Variants in FAM171A1 observed in about 807,000 individuals in gnomAD.
FAM171A1 encodes the protein protein FAM171A1.
FAM171A1 carries 23 observed loss-of-function variants against 74.9 expected under a neutral mutation model. That is an observed-to-expected ratio of 0.31 (90% CI 0.22 to 0.44). The LOEUF is 0.44. Among genes scored for constraint, FAM171A1 ranks in the 20% least tolerant of loss-of-function variants. The pLI is 1.00. For synonymous variants in FAM171A1, 527 were observed against 505.7 expected, an observed-to-expected ratio of 1.04 and a Z score of -0.57; for missense variants, 1,162 against 1,159.2, an observed-to-expected ratio of 1.00 and a Z score of -0.03.
At chr10:15,335,760 T>C (rs906981923) in intron 1 of FAM171A1, among the ~76,000 whole-genome samples, 2 of 152,196 alleles carry the variant, frequency 1.3e-5, no homozygotes, top group Non-Finnish European at 1.5e-5. Flanking sequence ...AAACAGTGTG[T>C]ACAATCACAC....
intron 1 of FAM171A1, among the ~76,000 whole-genome samples, chr10:15,360,573 G>A (rs1835981744): frequency 6.6e-6 from 1 of 152,192 alleles, no homozygotes. Context: ...CAGGGACAAT[G>A]AGGTTTCTGT....
chr10:15,267,993 G>A (rs1834769523), intron 3 of FAM171A1, among the ~76,000 whole-genome samples: 1 of 152,228 alleles, frequency 6.6e-6, no homozygotes, highest in South Asian at 2.1e-4. Flanking sequence ...TGGCTGTGAA[G>A]GAGAAGACAA....
chr10:15,373,406 G>A (rs1836172043), upstream of FAM171A1, among the ~76,000 whole-genome samples: 1 of 152,202 alleles, frequency 6.6e-6, no homozygotes, highest in African/African-American at 2.4e-5. Context: ...AACAAACCGA[G>A]GCTTGGTGCC....
chr10:15,287,928 C>T (rs1835057717), intron 1 of FAM171A1, among the ~76,000 whole-genome samples: 1 of 152,138 alleles, frequency 6.6e-6, no homozygotes, highest in Admixed American at 6.5e-5. Context: ...CCACCCTTTT[C>T]CCTGAGTCCT....
At chr10:15,243,092 C>T (rs74635421) in intron 5 of FAM171A1, among the ~76,000 whole-genome samples, 11,134 of 152,234 alleles carry the variant, frequency 0.073, 460 homozygotes, top group Middle Eastern at 0.17. Context: ...TCCACAGGGC[C>T]GGTTTCTCCT....
chr10:15,216,409 G>A (rs969119596), intron 6 of FAM171A1, among the ~76,000 whole-genome samples: 1 of 152,104 alleles, frequency 6.6e-6, no homozygotes, highest in Non-Finnish European at 1.5e-5. Flanking sequence ...AGCATGTGCC[G>A]CATTTGAAAT....
chr10:15,286,938 T>C (rs551161099), intron 1 of FAM171A1, among the ~76,000 whole-genome samples: 2 of 152,164 alleles, frequency 1.3e-5, no homozygotes, highest in South Asian at 2.1e-4. Flanking sequence ...GAAACCAATC[T>C]TGGCTACTTC....
intron 5 of FAM171A1, among the ~76,000 whole-genome samples, chr10:15,226,417 C>A (rs1357073265): frequency 6.6e-6 from 1 of 152,126 alleles, no homozygotes; most frequent in Non-Finnish European, 1.5e-5. Context: ...AGCATTTGAA[C>A]CCCCTCTTTA....
At chr10:15,341,844 C>T (rs545831051) in intron 1 of FAM171A1, among the ~76,000 whole-genome samples, 2 of 152,292 alleles carry the variant, frequency 1.3e-5, no homozygotes, top group South Asian at 2.1e-4. Flanking sequence ...GAGGGAGACT[C>T]GCAGCTTGCA....
At chr10:15,356,780 G>A (rs1835937545) in intron 1 of FAM171A1, among the ~76,000 whole-genome samples, 1 of 152,066 alleles carries the variant, frequency 6.6e-6, no homozygotes, top group African/African-American at 2.4e-5. Flanking sequence ...AGACCAGCCT[G>A]GCAAACATGG....
At chr10:15,228,091 T>G (rs1834132385) in intron 5 of FAM171A1, among the ~76,000 whole-genome samples, 1 of 152,202 alleles carries the variant, frequency 6.6e-6, no homozygotes, top group African/African-American at 2.4e-5. Flanking sequence ...AAACAATGTC[T>G]AATTTGAATA....
intron 5 of FAM171A1, among the ~76,000 whole-genome samples, chr10:15,247,783 T>G (rs1285598397): frequency 6.6e-6 from 1 of 152,174 alleles, no homozygotes; most frequent in Non-Finnish European, 1.5e-5. Flanking sequence ...TACTATATCA[T>G]TTTTATTTAC....
At chr10:15,287,053 C>A (rs1835043750) in intron 1 of FAM171A1, among the ~76,000 whole-genome samples, 1 of 151,200 alleles carries the variant, frequency 6.6e-6, no homozygotes, top group African/African-American at 2.4e-5. Context: ...TCAATCCAAT[C>A]AGGATGTGCA....
At chr10:15,306,467 C>T (rs7913862) in intron 1 of FAM171A1, among the ~76,000 whole-genome samples, 11,179 of 151,872 alleles carry the variant, frequency 0.074, 725 homozygotes, top group African/African-American at 0.17. Flanking sequence ...TGGGTTCAAG[C>T]GATTCTCCTG....
At chr10:15,236,817 G>T (rs780870449) in intron 5 of FAM171A1, among the ~76,000 whole-genome samples, 1 of 152,172 alleles carries the variant, frequency 6.6e-6, no homozygotes, top group Non-Finnish European at 1.5e-5. Flanking sequence ...CAGACTGGGC[G>T]TGGTGGCTCA....
chr10:15,370,399 G>C (rs1429178947), intron 1 of FAM171A1, among the ~76,000 whole-genome samples: 1 of 151,574 alleles, frequency 6.6e-6, no homozygotes, highest in Non-Finnish European at 1.5e-5. Context: ...TTCCCAAACT[G>C]CGGCAGGCTA....
intron 1 of FAM171A1, among the ~76,000 whole-genome samples, chr10:15,285,380 G>A (rs912054529): frequency 6.6e-6 from 1 of 152,176 alleles, no homozygotes; most frequent in East Asian, 1.9e-4. Flanking sequence ...AAGTCACAAA[G>A]GTTTTAAGAG....
chr10:15,326,286 G>T (rs1015177401), intron 1 of FAM171A1, among the ~76,000 whole-genome samples: 1 of 152,020 alleles, frequency 6.6e-6, no homozygotes, highest in Non-Finnish European at 1.5e-5. Flanking sequence ...TGCCTTTGGT[G>T]AGAGGAAGAG....
intron 3 of FAM171A1, among the ~76,000 whole-genome samples, chr10:15,275,419 T>C (rs904476825): frequency 1.3e-5 from 2 of 151,710 alleles, no homozygotes; most frequent in Admixed American, 6.6e-5. Context: ...CCCAAGTAGA[T>C]GGGATTACAG....
Sources: gnomAD v4.1 joint callset for allele counts (sites outside exome capture counted in the v4.1 genomes callset) on GRCh38, gnomAD v4.1.1 for gene constraint, MANE v1.5 for transcripts, NCBI Gene and HGNC (gene_info 2026-07-23, HGNC 2026-07-21) for gene names.